Variants in ARSF observed in about 807,000 individuals in gnomAD.
ARSF encodes arylsulfatase F.
ARSF carries 33 observed loss-of-function variants against 35.4 expected under a neutral mutation model. The ratio of observed to expected loss-of-function variants is 0.93; its 90% confidence interval spans 0.71 to 1.25. The LOEUF (loss-of-function observed/expected upper bound fraction) is 1.25. Among genes scored for constraint, ARSF ranks in the 50% most tolerant of loss-of-function variants. The pLI, the probability that ARSF is intolerant of heterozygous loss-of-function variation, is 0.00. For missense variants in ARSF, 501 were observed against 480.2 expected, an observed-to-expected ratio of 1.04 and a Z score of -0.40; for synonymous variants, 222 against 193.1, an observed-to-expected ratio of 1.15 and a Z score of -1.24.
At position 3,072,136 on chromosome X, in the gene ARSF, G is replaced by A. The variant is rs1260162337; in HGVS notation, c.122G>A (p.Gly41Asp). ...GTCCTAATCATGGTTGATGACCTGGGTATTGGAGATCTGGGCTGCTACGGC... is the reference window on the plus strand; with the variant it reads ...GTCCTAATCATGGTTGATGACCTGGATATTGGAGATCTGGGCTGCTACGGC... ...NIVLIMVDDL[G>D]IGDLGCYGND... is the part of the protein sequence containing the mutation. Residue 41 changes from glycine to aspartate, a missense_variant, in exon 3 of 11, where the codon GGT becomes GAT. Transcript: ENST00000381127. The A allele has an allele frequency of 5.0e-6, 6 of 1,202,918 alleles. No homozygotes were observed. In the South Asian group the frequency reaches 8.8e-5, roughly 18 times the overall value.
At chrX:3,072,712 A>G (rs1209232604) in intron 3 of ARSF, among the ~76,000 whole-genome samples, 3 of 110,312 alleles carry the variant, frequency 2.7e-5, no homozygotes, top group Non-Finnish European at 5.7e-5. Flanking sequence ...CATACAGCCT[A>G]TTATGAAGCA....
Position 3,101,212 on chromosome X carries a change from A to G in ARSF, c.1093A>G (p.Ile365Val). The change falls in exon 8 of 11, where the codon ATA becomes GTA. Residue 365 changes from isoleucine to valine, a missense_variant. Ile to Val is a conservative substitution (Grantham distance 29). Coordinates refer to ENST00000381127, the MANE Select transcript of ARSF (RefSeq NM_001201539.2). The part of the protein sequence containing the change: ...GHAQLGGWNG[I>V]YKGGKGMGGW... ...TGCCCAACTTGGTGGATGGAATGGA[A>G]TATACAAAGGTGAGGAGAGGAACTC... The G allele has an allele frequency of 8.3e-7, 1 of 1,211,005 alleles. No homozygotes were observed. Among genetic ancestry groups the G allele is most frequent in the South Asian group, 1.8e-5 (1 of 56,761 alleles).
At chrX:3,051,419 A>T (rs191815528) in intron 1 of ARSF, among the ~76,000 whole-genome samples, 29 of 112,066 alleles carry the variant, frequency 2.6e-4, no homozygotes, top group African/African-American at 9.1e-4. Context: ...TTTCATCAGC[A>T]GAGGCATACA....
chrX:3,093,040 T>C (rs5983005), intron 7 of ARSF, among the ~76,000 whole-genome samples: 41,786 of 108,984 alleles, frequency 0.38, 6,487 homozygotes, highest in African/African-American at 0.54. Flanking sequence ...GTGGCGGGCG[T>C]CTGTAGTCCC....
At chrX:3,059,791 C>T (rs1243538793) in intron 1 of ARSF, among the ~76,000 whole-genome samples, 3 of 112,656 alleles carry the variant, frequency 2.7e-5, no homozygotes, top group Admixed American at 9.4e-5. Context: ...CAGGGAAGCT[C>T]GAACTGGGCA....
At chrX:3,080,735 G>T (rs891701989) in intron 4 of ARSF, among the ~76,000 whole-genome samples, 156 bp from the exon 5 acceptor site, 1 of 111,013 alleles carries the variant, frequency 9.0e-6, no homozygotes, top group African/African-American at 3.3e-5. Context: ...TTCCATTCTT[G>T]AGGCTCCACC....
At chrX:3,103,990 A>G in intron 9 of ARSF, 66 bp downstream of exon 9, 2 of 1,122,645 alleles carry the variant, frequency 1.8e-6, no homozygotes, top group Non-Finnish European at 2.4e-6. Context: ...AAGATTCAGA[A>G]CAAGGAGACT....
At position 3,079,462 on chromosome X, in the gene ARSF, A is replaced by G. The variant is rs113194035; in HGVS notation, c.284-1429A>G. Among the ~76,000 whole-genome samples the G allele has an allele frequency of 6.2e-3, 652 of 105,567 alleles. 5 individuals are homozygous for G. Among genetic ancestry groups the G allele is most frequent in the African/African-American group, 0.022 (620 of 28,781 alleles). 91.7% of individuals were successfully genotyped at this position (105,567 alleles called of 115,157 possible). A position where few individuals can be genotyped will look rare whatever the true frequency, so the allele number is the denominator to read the frequency against. On this transcript the variant is annotated intron_variant, in intron 4 of 10. Transcript: ENST00000381127. ...TGGGTTCAAGCGATTCTCCTGCCTC[A>G]GCCTCCTGAGTAGCTGGGATTACAG...
chrX:3,055,342 CAAAAAAAAAA>C (rs770014108), intron 1 of ARSF, among the ~76,000 whole-genome samples: 31 of 32,442 alleles, frequency 9.6e-4, no homozygotes, highest in Middle Eastern at 0.034. Context: ...AACTCCATTT[CAAAAAAAAAA>C]AAAAAAAAAA....
intron 7 of ARSF, among the ~76,000 whole-genome samples, chrX:3,100,299 C>T: frequency 8.9e-6 from 1 of 112,329 alleles, no homozygotes; most frequent in East Asian, 2.8e-4. Context: ...GCCTCTGTCT[C>T]CTCAAATTCT....
At chrX:3,104,192 T>C (rs1341573514) in intron 9 of ARSF, among the ~76,000 whole-genome samples, 1 of 111,584 alleles carries the variant, frequency 9.0e-6, no homozygotes, top group East Asian at 2.8e-4. Context: ...AACATACTTA[T>C]TTTCTTTTTT....
chrX:3,077,362 G>A (rs1336073741), intron 4 of ARSF, among the ~76,000 whole-genome samples: 5 of 111,707 alleles, frequency 4.5e-5, no homozygotes, highest in African/African-American at 1.6e-4. Flanking sequence ...GTCATGGCCG[G>A]GCATGGTGGC....
At chrX:3,102,036 G>A (rs1213680922) in intron 8 of ARSF, among the ~76,000 whole-genome samples, 1 of 111,085 alleles carries the variant, frequency 9.0e-6, no homozygotes, top group Middle Eastern at 4.3e-3. Context: ...TCTTGCAGAG[G>A]GTATGAATGT....
At chrX:3,099,950 G>A (rs553759547) in intron 7 of ARSF, among the ~76,000 whole-genome samples, 9 of 111,939 alleles carry the variant, frequency 8.0e-5, no homozygotes, top group Middle Eastern at 4.6e-3. Context: ...TTAATGTAAT[G>A]TTATCTGAGA....
chrX:3,042,944 C>T (rs1426462307), intron 1 of ARSF, among the ~76,000 whole-genome samples: 3 of 110,309 alleles, frequency 2.7e-5, no homozygotes, highest in Admixed American at 1.9e-4. Flanking sequence ...ATCATGAGGT[C>T]AGGAGTTTGA....
chrX:3,062,608 A>C (rs775651397), intron 1 of ARSF, among the ~76,000 whole-genome samples: 1 of 111,888 alleles, frequency 8.9e-6, no homozygotes, highest in East Asian at 2.8e-4. Context: ...GCAATAAAAA[A>C]TGATAAAGGG....
In ARSF at chrX:3,060,526, G is replaced by A. The variant is rs1016854190; in HGVS notation, c.-28-7547G>A. Among the ~76,000 whole-genome samples, 3 of 111,543 alleles carry A rather than the reference G, an allele frequency of 2.7e-5. No individual in the cohort carries two copies. In the Admixed American group the frequency reaches 2.9e-4, roughly 11 times the overall value. Reference sequence around the variant, plus strand: ...AATAACAAACTTCTCCGAGCTAAAGGAAATGTTCAAACCCATCGCAAGGAC... The same window carrying A: ...AATAACAAACTTCTCCGAGCTAAAGAAAATGTTCAAACCCATCGCAAGGAC... On this transcript the variant is annotated intron_variant, in intron 1 of 10. Coordinates refer to ENST00000381127, the MANE Select transcript of ARSF (RefSeq NM_001201539.2).
At position 3,101,091 on chromosome X, in the gene ARSF, G is replaced by T; in HGVS notation, c.972G>T (p.Lys324Asn). ...NVEEMDSMVG[K>N]ILDAIDDFGL... ...GTCTCTTGTATATTATTTTAGGCAAGATTCTTGATGCTATCGATGATTTTG... is the reference window on the plus strand; with the variant it reads ...GTCTCTTGTATATTATTTTAGGCAATATTCTTGATGCTATCGATGATTTTG... The change falls in exon 8 of 11, where the codon AAG becomes AAT. Residue 324 changes from lysine (K) to asparagine (N), a missense_variant. By Grantham distance (94) the Lys-to-Asn change is moderately conservative. Coordinates refer to ENST00000381127, the MANE Select transcript of ARSF (RefSeq NM_001201539.2). The T allele has an allele frequency of 8.3e-7, 1 of 1,208,670 alleles. No homozygotes were observed.
At chrX:3,108,846 G>C (rs113558236) in intron 9 of ARSF, among the ~76,000 whole-genome samples, 338 of 110,025 alleles carry the variant, frequency 3.1e-3, no homozygotes, top group Non-Finnish European at 5.2e-3. Flanking sequence ...GTGAAACCCC[G>C]TCTCTACTGA....
Sources: gnomAD v4.1 joint callset for allele counts (sites outside exome capture counted in the v4.1 genomes callset) on GRCh38, gnomAD v4.1.1 for gene constraint, MANE v1.5 for transcripts, NCBI Gene and HGNC (gene_info 2026-07-23, HGNC 2026-07-21) for gene names.